LVRN: variants seen among roughly 807,000 people sequenced by gnomAD.
LVRN encodes the protein aminopeptidase Q.
A neutral mutation model predicts 111.4 loss-of-function variants in LVRN; 99 were observed. The ratio of observed to expected loss-of-function variants is 0.89; its 90% confidence interval spans 0.76 to 1.05. LVRN has a LOEUF of 1.05. Ranked by LOEUF, LVRN falls within the 50% of genes least tolerant of loss-of-function variation. The pLI, the probability that LVRN is intolerant of heterozygous loss-of-function variation, is 0.00. For missense variants in LVRN, 1,414 were observed against 1,206.8 expected, an observed-to-expected ratio of 1.17 and a Z score of -2.54; for synonymous variants, 488 against 449.5, an observed-to-expected ratio of 1.09 and a Z score of -1.08.
chr5:115,989,116 C>T (rs1185581562), intron 4 of LVRN, among the ~76,000 whole-genome samples: 2 of 152,118 alleles, frequency 1.3e-5, no homozygotes, highest in Non-Finnish European at 2.9e-5. Flanking sequence ...CCAAGCCATC[C>T]TTTATATGAA....
intron 2 of LVRN, 114 bp from the exon 3 acceptor site, chr5:115,984,456 C>T (rs1747802948): frequency 7.8e-7 from 1 of 1,288,198 alleles, no homozygotes; most frequent in African/African-American, 1.5e-5. Context: ...AACTGCTAGA[C>T]TATGAGGAAT....
chr5:115,970,542 C>T (rs1753302690), intron 1 of LVRN, among the ~76,000 whole-genome samples: 1 of 152,096 alleles, frequency 6.6e-6, no homozygotes, highest in Admixed American at 6.5e-5. Flanking sequence ...GCCACCACAC[C>T]TGGCTAATTT....
chr5:116,027,458 G>T lies in LVRN; in HGVS notation c.*1340G>T, dbSNP rs1748890456. 1 of 152,208 alleles carries T rather than the reference G, an allele frequency of 6.6e-6. No homozygotes were observed. The highest frequency in any genetic ancestry group is 1.5e-5 in the Non-Finnish European group (1 of 68,040). The allele number at this position is 152,208 out of a possible 1,614,324, so 9.4% of individuals were successfully genotyped here. A position where few individuals can be genotyped will look rare whatever the true frequency, so the allele number is the denominator to read the frequency against. On this transcript the variant is annotated 3_prime_UTR_variant, in exon 20 of 20. Transcript: ENST00000357872. ...TTTGATTCACAAGAGGATTCTCCCT[G>T]AGTGTCAGGGGAGGCTGTGGGACTT...
intron 2 of LVRN, among the ~76,000 whole-genome samples, chr5:115,984,290 A>T (rs1370287592): frequency 6.6e-6 from 1 of 152,140 alleles, no homozygotes; most frequent in Non-Finnish European, 1.5e-5. Context: ...TAGGTGGGAG[A>T]GAAAGGAGGC....
At chr5:115,987,042 T>A (rs1747885694) in intron 3 of LVRN, among the ~76,000 whole-genome samples, 1 of 152,202 alleles carries the variant, frequency 6.6e-6, no homozygotes, top group Non-Finnish European at 1.5e-5. Context: ...TACTTTTTTT[T>A]TTTAGAGTTT....
At chr5:115,995,253 G>T (rs1748080684) in intron 6 of LVRN, 1 of 151,940 alleles carries the variant, frequency 6.6e-6, no homozygotes, top group Admixed American at 6.6e-5. Context: ...CGATAGTTTG[G>T]CAGGAAAAAA....
At chr5:116,005,512 T>C (rs541761504) in intron 12 of LVRN, among the ~76,000 whole-genome samples, 2 of 152,352 alleles carry the variant, frequency 1.3e-5, no homozygotes, top group East Asian at 1.9e-4. Context: ...AAAATAGCGC[T>C]AAATAATATT....
chr5:115,964,948 A>G (rs1428659676), intron 1 of LVRN, among the ~76,000 whole-genome samples: 1 of 152,208 alleles, frequency 6.6e-6, no homozygotes, highest in Non-Finnish European at 1.5e-5. Context: ...AGGGTCATGA[A>G]GAACCTGCAA....
At chr5:116,010,201 T>A (rs779345059) in intron 13 of LVRN, among the ~76,000 whole-genome samples, 7 of 152,224 alleles carry the variant, frequency 4.6e-5, no homozygotes, top group Non-Finnish European at 8.8e-5. Context: ...TTCTTAGACA[T>A]AATGCCATTG....
At chr5:115,979,267 G>A (rs567508871) in intron 1 of LVRN, among the ~76,000 whole-genome samples, 1 of 152,150 alleles carries the variant, frequency 6.6e-6, no homozygotes, top group East Asian at 1.9e-4. Context: ...GTTAGACCTT[G>A]GCCATACCAT....
At position 115,962,973 on chromosome 5, in the gene LVRN, A is replaced by G. The variant is rs780889195; in HGVS notation, c.356A>G (p.Glu119Gly). The change falls in exon 1 of 20, where the codon GAG becomes GGG. Residue 119 changes from glutamate to glycine, a missense_variant. Transcript: ENST00000357872. ...CTGTGGCCGCAGCTGAGGCCCGACG[A>G]GCTTCCGGCCGGGTCTTTGCCCTTC... ...LELWPQLRPD[E>G]LPAGSLPFTG... 2 of 1,613,208 alleles carry G rather than the reference A, an allele frequency of 1.2e-6. No homozygotes were observed. Among genetic ancestry groups the G allele is most frequent in the Admixed American group, 1.7e-5 (1 of 60,008 alleles).
chr5:115,984,328 G>A (rs1213771463), intron 2 of LVRN, among the ~76,000 whole-genome samples: 11 of 152,106 alleles, frequency 7.2e-5, no homozygotes, highest in East Asian at 3.8e-4. Context: ...TATAGTGCTC[G>A]TGGATTTGGC....
chr5:115,962,573 C>T lies in LVRN; in HGVS notation c.-45C>T. ...CCCTGGCCGGGGTTTTGACAGCTGC[C>T]ACAGTCTCTGAGCTCCAGCCTCGCG... On this transcript the variant is annotated 5_prime_UTR_variant, in exon 1 of 20. Transcript: ENST00000357872. 3 of 1,550,106 alleles carry T rather than the reference C, an allele frequency of 1.9e-6. No homozygotes were observed. The highest frequency in any genetic ancestry group is 2.6e-6 in the Non-Finnish European group (3 of 1,144,780).
At chr5:115,969,333 C>A (rs978620994) in intron 1 of LVRN, among the ~76,000 whole-genome samples, 1 of 151,968 alleles carries the variant, frequency 6.6e-6, no homozygotes, top group Non-Finnish European at 1.5e-5. Context: ...TATTAGGCTG[C>A]CTGACATTAC....
At chr5:115,986,698 G>A (rs1747872273) in intron 3 of LVRN, among the ~76,000 whole-genome samples, 1 of 152,188 alleles carries the variant, frequency 6.6e-6, no homozygotes, top group African/African-American at 2.4e-5. Flanking sequence ...AAGATTTCAT[G>A]AAATGGAAAG....
chr5:116,014,360 G>T, intron 15 of LVRN, 60 bp from the exon 16 acceptor site: 1 of 1,125,770 alleles, frequency 8.9e-7, no homozygotes, highest in Non-Finnish European at 1.3e-6. Context: ...ATTCTTGGAG[G>T]CAGAGAAAAT....
At chr5:116,016,409 A>G (rs1166658909) in intron 18 of LVRN, among the ~76,000 whole-genome samples, 1 of 152,218 alleles carries the variant, frequency 6.6e-6, no homozygotes, top group Non-Finnish European at 1.5e-5. Flanking sequence ...AATTATAAGT[A>G]AAAAATCCTT....
chr5:115,971,492 C>T (rs1484400644), intron 1 of LVRN, among the ~76,000 whole-genome samples: 1 of 152,028 alleles, frequency 6.6e-6, no homozygotes, highest in Non-Finnish European at 1.5e-5. Flanking sequence ...TTAATTTTTG[C>T]ATATGGTGTG....
At chr5:115,999,092 G>A (rs1163858792) in intron 6 of LVRN, among the ~76,000 whole-genome samples, 1 of 152,116 alleles carries the variant, frequency 6.6e-6, no homozygotes, top group Admixed American at 6.5e-5. Context: ...TTCTCCACTG[G>A]TCTTTGCTCT....
Sources: allele counts gnomAD v4.1 joint callset (sites outside exome capture counted in the v4.1 genomes callset), GRCh38; gene constraint gnomAD v4.1.1; transcripts MANE v1.5; gene names NCBI Gene and HGNC (gene_info 2026-07-23, HGNC 2026-07-21).